Variants in PRR14L observed in about 807,000 individuals in gnomAD.
The protein encoded by PRR14L is protein PRR14L.
Under a neutral mutation model 155.0 loss-of-function variants are expected in PRR14L, and 80 were observed. The observed-to-expected ratio is 0.52, with a 90% confidence interval of 0.43 to 0.62. The LOEUF (loss-of-function observed/expected upper bound fraction) is 0.62. Among genes scored for constraint, PRR14L ranks in the 20% least tolerant of loss-of-function variants. The probability of loss-of-function intolerance (pLI) is 0.00; values close to 1 mark genes in which losing one functional copy is unlikely to be tolerated. For synonymous variants in PRR14L, 883 were observed against 916.0 expected, an observed-to-expected ratio of 0.96 and a Z score of 0.65; for missense variants, 2,469 against 2,548.0, an observed-to-expected ratio of 0.97 and a Z score of 0.67.
At chr22:31,726,104 G>A (rs2074715061) in intron 2 of PRR14L, among the ~76,000 whole-genome samples, 10 of 151,954 alleles carry the variant, frequency 6.6e-5, no homozygotes, top group Admixed American at 6.6e-4. Flanking sequence ...TAGAATTTGA[G>A]CCTGAAAACT....
Position 31,713,611 on chromosome 22 carries a change from T to C in PRR14L, c.4228A>G (p.Lys1410Glu). 1 of 1,552,002 alleles carries C rather than the reference T, an allele frequency of 6.4e-7. No homozygotes were observed. Among genetic ancestry groups the C allele is most frequent in the Non-Finnish European group, 8.7e-7 (1 of 1,147,064 alleles). Residue 1410 changes from lysine to glutamate, a missense_variant, in exon 4 of 9, where the codon AAA (lysine) becomes GAA (glutamate). Lys to Glu is a moderately conservative substitution (Grantham distance 56). This residue lies in a region of PRR14L where 2,363 missense variants were observed against 2,371.6 expected (regional missense o/e 1.00). Transcript: ENST00000327423. ...QKEEKYIRQQ[K>E]AHTISQQCIS... ...CACTGTTGCGATATCGTATGTGCTTTTTGTTGACGTATATATTTCTCTTCT... is the reference window on the plus strand; with the variant it reads ...CACTGTTGCGATATCGTATGTGCTTCTTGTTGACGTATATATTTCTCTTCT...
At chr22:31,747,492 A>T (rs1400215013) in intron 1 of PRR14L, among the ~76,000 whole-genome samples, 2 of 149,592 alleles carry the variant, frequency 1.3e-5, no homozygotes, top group Middle Eastern at 3.2e-3. Flanking sequence ...CTAGATGCAG[A>T]GTCTTGAGTG....
Position 31,685,119 on chromosome 22 carries a change from A to C in PRR14L, c.*408T>G, listed in dbSNP as rs2147849630. 5.8e-6 allele frequency: 1 copy of C among 173,474 alleles called. No homozygotes were observed. The highest frequency in any genetic ancestry group is 1.6e-4 in the East Asian group (1 of 6,404). 10.7% of individuals were successfully genotyped at this position (173,474 alleles called of 1,614,324 possible). A position where few individuals can be genotyped will look rare whatever the true frequency, so the allele number is the denominator to read the frequency against. On this transcript the variant is annotated 3_prime_UTR_variant, in exon 9 of 9. Coordinates refer to ENST00000327423, the MANE Select transcript of PRR14L (RefSeq NM_173566.3). ...CCCCTCCCTAGGCCACGTTTCTAAT[A>C]ATCTTGGTCTAGCACCACCGTAAAC... is the stretch of plus-strand genomic sequence containing the variant.
chr22:31,712,011 G>C, intron 4 of PRR14L, 72 bp downstream of exon 4: 3 of 1,390,992 alleles, frequency 2.2e-6, no homozygotes, highest in Non-Finnish European at 2.9e-6. Flanking sequence ...ATTTCCCGCA[G>C]TTCCCCTCTC....
chr22:31,717,793 C>T (rs2074668322), intron 3 of PRR14L, among the ~76,000 whole-genome samples: 1 of 152,116 alleles, frequency 6.6e-6, no homozygotes, highest in Non-Finnish European at 1.5e-5. Context: ...CAGAGTCTTG[C>T]TCTGTTGCCC....
chr22:31,743,919 A>T (rs1217702184), intron 1 of PRR14L, among the ~76,000 whole-genome samples: 1 of 151,934 alleles, frequency 6.6e-6, no homozygotes, highest in East Asian at 1.9e-4. Context: ...GAATTCATTC[A>T]ATCTATTGAA....
At chr22:31,691,401 T>C (rs2074511016) in intron 7 of PRR14L, among the ~76,000 whole-genome samples, 2 of 152,050 alleles carry the variant, frequency 1.3e-5, no homozygotes, top group African/African-American at 2.4e-5. Flanking sequence ...CCTGATCTTT[T>C]GTAGAGATGT....
Position 31,715,643 on chromosome 22 carries a change from G to A in PRR14L, c.2196C>T (p.Thr732=). The change falls in exon 4 of 9, where the codon ACC becomes ACT. Residue 732 remains threonine (T), a synonymous_variant. Transcript: ENST00000327423. ...QTCGASSNCP[T]LNIKPVSLER... is the part of the protein sequence containing the mutation. ...CTAGGCTTACTGGTTTGATGTTTAA[G>A]GTGGGACAGTTTGAAGAGGCACCAC... The A allele has an allele frequency of 6.4e-7, 1 of 1,552,154 alleles. No individual in the cohort carries two copies. Among genetic ancestry groups the A allele is most frequent in the South Asian group, 1.2e-5 (1 of 84,050 alleles).
chr22:31,683,140 GCT>G lies in PRR14L; in HGVS notation c.*2385_*2386del, dbSNP rs1057401708. ...ATTGTCAGGACAGGGAAGGAGCCCA[GCT>G]CTGTTTCTTCCAGTCCTCTGCTCCC... On this transcript the variant is annotated 3_prime_UTR_variant, in exon 9 of 9. Transcript: ENST00000327423. 2.6e-5 allele frequency: 4 copies of G among 152,306 alleles called. No individual in the cohort carries two copies. The highest frequency in any genetic ancestry group is 9.6e-5 in the African/African-American group (4 of 41,464). 9.4% of individuals were successfully genotyped at this position (152,306 alleles called of 1,614,324 possible).
At chr22:31,686,760 A>G (rs928961445) in intron 8 of PRR14L, among the ~76,000 whole-genome samples, 1 of 151,944 alleles carries the variant, frequency 6.6e-6, no homozygotes, top group Non-Finnish European at 1.5e-5. Flanking sequence ...AAATGGTTAC[A>G]CAGTATATTC....
Position 31,713,182 on chromosome 22 carries a change from A to G in PRR14L, c.4657T>C (p.Ser1553Pro), listed in dbSNP as rs2074633436. 1 of 1,551,804 alleles carries G rather than the reference A, an allele frequency of 6.4e-7. No individual in the cohort carries two copies. The highest frequency in any genetic ancestry group is 1.4e-5 in the African/African-American group (1 of 73,036). ...KIRSSAFLKS[S>P]SNPIPTKAHR... ...GCTTTTGTGGGGATGGGATTGGAAG[A>G]ACTCTTTAAAAAGGCAGAACTTCTG... The change falls in exon 4 of 9, where the codon TCT becomes CCT. Residue 1553 changes from serine (S) to proline (P), a missense_variant. This residue lies in a region of PRR14L where 2,363 missense variants were observed against 2,371.6 expected (regional missense o/e 1.00). Transcript: ENST00000327423.
intron 4 of PRR14L, 30 bp downstream of exon 4, chr22:31,712,053 C>A: frequency 6.4e-7 from 1 of 1,558,260 alleles, no homozygotes; most frequent in Admixed American, 2.0e-5. Context: ...AAATATGGGA[C>A]ATTTGTAAAG....
intron 1 of PRR14L, among the ~76,000 whole-genome samples, chr22:31,740,130 TCCTCACCGCAG>T (rs943875946): frequency 6.6e-6 from 1 of 152,022 alleles, no homozygotes; most frequent in Non-Finnish European, 1.5e-5. Context: ...GTGCAATCGT[TCCTCACCGCAG>T]CCTCCCTCTC....
intron 7 of PRR14L, among the ~76,000 whole-genome samples, chr22:31,695,056 C>T (rs1458046838): frequency 6.6e-6 from 1 of 152,134 alleles, no homozygotes; most frequent in East Asian, 1.9e-4. Flanking sequence ...GCACTCCAGC[C>T]TGGGTGACAG....
Position 31,688,221 on chromosome 22 carries a change from CTTT to C in PRR14L, c.6111_6113del (p.Lys2040del), listed in dbSNP as rs1246495443. 2 of 1,584,148 alleles carry C rather than the reference CTTT, an allele frequency of 1.3e-6. No homozygotes were observed. Among genetic ancestry groups the C allele is most frequent in the Non-Finnish European group, 1.7e-6 (2 of 1,168,928 alleles). On this transcript the variant is annotated inframe_deletion, in exon 8 of 9. Transcript: ENST00000327423. ...TCTCTTCTAAACTAAACTCCTTCTTCTTTAACCTGAAAAGAAATAAGGAAAAAA... is the reference window on the plus strand; with the variant it reads ...TCTCTTCTAAACTAAACTCCTTCTTCAACCTGAAAAGAAATAAGGAAAAAA...
In PRR14L at chr22:31,712,785, C is replaced by G; in HGVS notation, c.5054G>C (p.Ser1685Thr). 6.4e-7 allele frequency: 1 copy of G among 1,551,986 alleles called. No individual in the cohort carries two copies. Among genetic ancestry groups the G allele is most frequent in the Non-Finnish European group, 8.7e-7 (1 of 1,147,052 alleles). The stretch of plus-strand genomic sequence containing the variant: ...GAGAGAATAAAGTGCCATGGGCTTA[C>G]TGTTAGGCCTCTTATCCCATCCACT... ...AASGWDKRPN[S>T]KPMALYSLES... Residue 1685 changes from serine to threonine, a missense_variant, in exon 4 of 9, where the codon AGT (serine) becomes ACT (threonine). This residue lies in a region of PRR14L where 2,363 missense variants were observed against 2,371.6 expected (regional missense o/e 1.00). Coordinates refer to ENST00000327423, the MANE Select transcript of PRR14L (RefSeq NM_173566.3).
chr22:31,697,900 G>A (rs1392060329), intron 7 of PRR14L, among the ~76,000 whole-genome samples: 1 of 152,006 alleles, frequency 6.6e-6, no homozygotes, highest in African/African-American at 2.4e-5. Context: ...ATATCAAGAT[G>A]TTTACTGGGA....
In PRR14L at chr22:31,713,825, G is replaced by C; in HGVS notation, c.4014C>G (p.Thr1338=). The change falls in exon 4 of 9, where the codon ACC becomes ACG. Residue 1338 remains threonine, a synonymous_variant. Coordinates refer to ENST00000327423, the MANE Select transcript of PRR14L (RefSeq NM_173566.3). ...KTDIKVKGEE[T]EEHQRGRLGY... is the part of the protein sequence containing the mutation. Reference sequence around the variant, plus strand: ...CCAGTCGTCCCCTCTGATGCTCTTCGGTTTCTTCTCCTTTCACTTTAATAT... The same window carrying C: ...CCAGTCGTCCCCTCTGATGCTCTTCCGTTTCTTCTCCTTTCACTTTAATAT... The C allele has an allele frequency of 6.4e-7, 1 of 1,552,190 alleles. No homozygotes were observed. The highest frequency in any genetic ancestry group is 1.2e-5 in the South Asian group (1 of 84,044).
At chr22:31,743,539 G>A (rs925869654) in intron 1 of PRR14L, among the ~76,000 whole-genome samples, 1 of 152,084 alleles carries the variant, frequency 6.6e-6, no homozygotes, top group South Asian at 2.1e-4. Flanking sequence ...GGTGGCTCAA[G>A]CCTGTAATCT....
Sources: gnomAD v4.1 joint callset for allele counts (sites outside exome capture counted in the v4.1 genomes callset) on GRCh38, gnomAD v4.1.1 for gene constraint, gnomAD v4.1.1 regional missense constraint, MANE v1.5 for transcripts, NCBI Gene and HGNC (gene_info 2026-07-23, HGNC 2026-07-21) for gene names.